Variants in SDK1 observed in about 807,000 individuals in gnomAD.
SDK1 encodes the protein protein sidekick-1.
In SDK1, 157 loss-of-function variants were observed where a neutral mutation model predicts 245.5. The ratio of observed to expected loss-of-function variants is 0.64; its 90% CI spans 0.56 to 0.73. The LOEUF is 0.73. Ranked by LOEUF, SDK1 falls within the 30% of genes least tolerant of loss-of-function variation. SDK1 has a pLI of 0.00. For synonymous variants in SDK1, 1,647 were observed against 1,278.5 expected (o/e 1.29, Z -6.15); for missense variants, 3,583 against 3,002.3 (o/e 1.19, Z -4.52).
At chr7:3,902,040 T>C (rs1781808206) in intron 5 of SDK1, among the ~76,000 whole-genome samples, 1 of 152,164 alleles carries the variant, frequency 6.6e-6, no homozygotes, top group Non-Finnish European at 1.5e-5. Context: ...ACCTGTATTT[T>C]TCCTGCCCCA....
intron 1 of SDK1, among the ~76,000 whole-genome samples, chr7:3,586,871 T>G (rs1022546077): frequency 3.3e-5 from 5 of 151,678 alleles, no homozygotes; most frequent in African/African-American, 1.2e-4. Context: ...AGCAGGGAGG[T>G]GACATGTGCT....
intron 30 of SDK1, among the ~76,000 whole-genome samples, 159 bp downstream of exon 30, chr7:4,149,622 G>A (rs1780220212): frequency 6.6e-6 from 1 of 152,182 alleles, no homozygotes; most frequent in South Asian, 2.1e-4. Flanking sequence ...GGGAATCCCA[G>A]AACTCCTGGG....
intron 4 of SDK1, among the ~76,000 whole-genome samples, chr7:3,790,151 T>G (rs1010186500): frequency 2.6e-5 from 4 of 152,308 alleles, no homozygotes; most frequent in Admixed American, 2.0e-4. Context: ...GCCACTATCC[T>G]ATTTTCTGCC....
intron 32 of SDK1, among the ~76,000 whole-genome samples, chr7:4,163,753 G>T (rs139492222): frequency 6.6e-6 from 1 of 152,162 alleles, no homozygotes; most frequent in Non-Finnish European, 1.5e-5. Context: ...AGAGGAACCC[G>T]GTGAGCAGAG....
chr7:4,026,482 C>A lies in SDK1; in HGVS notation c.2602+9130C>A, dbSNP rs555812899. Among the ~76,000 whole-genome samples, 1 of 152,226 alleles carries A rather than the reference C, an allele frequency of 6.6e-6. No homozygotes were observed. The highest frequency in any genetic ancestry group is 1.5e-5 in the Non-Finnish European group (1 of 68,044). On this transcript the variant is annotated intron_variant, in intron 17 of 44. Transcript: ENST00000404826. This position sits in a 1 kb window ranked among gnomAD's most constrained non-coding sequence, Gnocchi z 4.1. Reference sequence around the variant, plus strand: ...CACGAGGGCCCGGTGTGCAGACAGCCTGCCAGGGCCTGCGGGCTCTCCCCA... The same window carrying A: ...CACGAGGGCCCGGTGTGCAGACAGCATGCCAGGGCCTGCGGGCTCTCCCCA...
At chr7:3,933,050 G>A (rs1018738468) in intron 5 of SDK1, among the ~76,000 whole-genome samples, 2 of 150,860 alleles carry the variant, frequency 1.3e-5, no homozygotes, top group Non-Finnish European at 3.0e-5. Flanking sequence ...CCCAGCCAAA[G>A]CCACCTGGAG....
At chr7:3,742,710 A>G (rs1315426955) in intron 4 of SDK1, among the ~76,000 whole-genome samples, 2 of 149,988 alleles carry the variant, frequency 1.3e-5, no homozygotes, top group Non-Finnish European at 2.9e-5. Flanking sequence ...ATAAAATTAT[A>G]TACTTTTTAT....
intron 1 of SDK1, among the ~76,000 whole-genome samples, chr7:3,381,283 G>C (rs1021818005): frequency 2.6e-5 from 4 of 152,116 alleles, no homozygotes; most frequent in African/African-American, 9.7e-5. Context: ...TTAGGAGAGG[G>C]GGAAGGGCAG....
intron 40 of SDK1, among the ~76,000 whole-genome samples, chr7:4,223,050 T>C (rs1785229411): frequency 6.7e-6 from 1 of 149,682 alleles, no homozygotes; most frequent in African/African-American, 2.5e-5. Flanking sequence ...CCTCAACTCT[T>C]CCAGCCTGGG....
chr7:3,794,938 A>C lies in SDK1; in HGVS notation c.714-26512A>C, dbSNP rs545739707. The stretch of plus-strand genomic sequence containing the variant: ...AATATTAATGAGCTTTTTATTTAAA[A>C]AAAAAAAGATCACTATTCATGTTGT... On this transcript the variant is annotated intron_variant, in intron 4 of 44. Transcript: ENST00000404826. Among the ~76,000 whole-genome samples, 12 of 152,232 alleles carry C rather than the reference A, an allele frequency of 7.9e-5. No homozygotes were observed. The South Asian group carries it at 2.1e-3, about 26-fold the overall frequency.
At chr7:4,181,056 C>G (rs1420606034) in intron 35 of SDK1, among the ~76,000 whole-genome samples, 3 of 152,200 alleles carry the variant, frequency 2.0e-5, no homozygotes, top group African/African-American at 7.2e-5. Flanking sequence ...CTGGAGCTGT[C>G]TCTTCTTCCC....
chr7:4,061,117 C>T (rs1052934543), intron 19 of SDK1, among the ~76,000 whole-genome samples: 1 of 152,108 alleles, frequency 6.6e-6, no homozygotes, highest in Non-Finnish European at 1.5e-5. Flanking sequence ...ATTGACTTGG[C>T]AATGTGGGCT....
intron 1 of SDK1, among the ~76,000 whole-genome samples, chr7:3,444,094 C>G (rs906199743): frequency 6.6e-6 from 1 of 152,242 alleles, no homozygotes; most frequent in Non-Finnish European, 1.5e-5. Flanking sequence ...CCTTCTTTAC[C>G]TTACGTTGCT....
At chr7:3,758,817 G>T (rs79544135) in intron 4 of SDK1, among the ~76,000 whole-genome samples, 2,994 of 152,190 alleles carry the variant, frequency 0.02, 114 homozygotes, top group African/African-American at 0.068. Context: ...CCTCTCAGTG[G>T]ACCCAGCTAG....
chr7:3,730,936 A>G (rs1407540904), intron 4 of SDK1, among the ~76,000 whole-genome samples: 2 of 152,296 alleles, frequency 1.3e-5, no homozygotes, highest in Non-Finnish European at 2.9e-5. Context: ...AAGGTCCCAG[A>G]TGAACCTTAG....
At chr7:3,755,817 A>T (rs1403937662) in intron 4 of SDK1, among the ~76,000 whole-genome samples, 2 of 152,196 alleles carry the variant, frequency 1.3e-5, no homozygotes, top group Non-Finnish European at 2.9e-5. Context: ...CATCTGACAC[A>T]TGCATGTTGT....
chr7:3,565,910 C>G (rs901194196), intron 1 of SDK1, among the ~76,000 whole-genome samples: 1 of 152,138 alleles, frequency 6.6e-6, no homozygotes, highest in Non-Finnish European at 1.5e-5. Context: ...CCCACAGATG[C>G]AGAGGATGAA....
chr7:4,203,823 C>CA (rs1330607691), intron 35 of SDK1, among the ~76,000 whole-genome samples: 1 of 152,230 alleles, frequency 6.6e-6, no homozygotes, highest in Non-Finnish European at 1.5e-5. Context: ...CTGGTGTCAA[C>CA]AAAAAATGCT....
intron 2 of SDK1, among the ~76,000 whole-genome samples, chr7:3,623,067 T>A (rs1781993657): frequency 6.6e-6 from 1 of 152,108 alleles, no homozygotes; most frequent in Admixed American, 6.6e-5. Flanking sequence ...ATGAAAAAGG[T>A]AGTTGTTTCC....
Sources: gnomAD v4.1 joint callset for allele counts (sites outside exome capture counted in the v4.1 genomes callset) on GRCh38, gnomAD v4.1.1 for gene constraint, Gnocchi (gnomAD v3.1) non-coding constraint, MANE v1.5 for transcripts, NCBI Gene and HGNC (gene_info 2026-07-23, HGNC 2026-07-21) for gene names.